The following MARCHF1 variants were observed in gnomAD, a reference collection of about 807,000 sequenced individuals.
MARCHF1 encodes E3 ubiquitin-protein ligase MARCHF1.
MARCHF1 carries 40 observed loss-of-function variants against 54.2 expected under a neutral mutation model. The observed-to-expected ratio is 0.74, with a 90% CI of 0.57 to 0.96. The LOEUF (loss-of-function observed/expected upper bound fraction) is 0.96. Among genes scored for constraint, MARCHF1 ranks in the 40% least tolerant of loss-of-function variants. The pLI is 0.00. For synonymous variants in MARCHF1, 236 were observed against 236.3 expected (o/e 1.00, Z 0.01); for missense variants, 586 against 656.5 (o/e 0.89, Z 1.17).
intron 1 of MARCHF1, among the ~76,000 whole-genome samples, chr4:164,144,484 G>C (rs1207700687): frequency 1.3e-5 from 2 of 151,990 alleles, no homozygotes; most frequent in South Asian, 2.1e-4. Flanking sequence ...TCAGACCACA[G>C]TGCAATCAAA....
chr4:163,805,079 T>A (rs187351811), intron 4 of MARCHF1, among the ~76,000 whole-genome samples: 19 of 152,120 alleles, frequency 1.2e-4, no homozygotes, highest in Non-Finnish European at 2.2e-4. Flanking sequence ...TCTGTATATA[T>A]GATATATATA....
chr4:164,198,077 T>A (rs554781414), intron 1 of MARCHF1, among the ~76,000 whole-genome samples: 1 of 152,334 alleles, frequency 6.6e-6, no homozygotes, highest in South Asian at 2.1e-4. Context: ...ACACGGGATA[T>A]CTTTGAATCT....
In MARCHF1 at chr4:163,584,240, GTTA is replaced by G. The variant is rs1740333753; in HGVS notation, c.1191+1506_1191+1508del. 3 of 151,910 alleles carry G rather than the reference GTTA, an allele frequency of 2.0e-5. 1 individual carries two copies. In the South Asian group the frequency reaches 6.2e-4, roughly 32 times the overall value. 9.4% of individuals were successfully genotyped at this position (151,910 alleles called of 1,614,324 possible). On this transcript the variant is annotated intron_variant, in intron 8 of 9. Coordinates refer to ENST00000514618, the MANE Select transcript of MARCHF1 (RefSeq NM_001394959.1). Reference sequence around the variant, plus strand: ...GGTAAAGAAGAGAAAATTAGAATATGTTATTATCCTAGATCGTGGCCCTCAAAT... The same window carrying G: ...GGTAAAGAAGAGAAAATTAGAATATGTTATCCTAGATCGTGGCCCTCAAAT...
At chr4:164,053,769 C>T (rs531137839) in intron 2 of MARCHF1, among the ~76,000 whole-genome samples, 29 of 152,228 alleles carry the variant, frequency 1.9e-4, no homozygotes, top group African/African-American at 6.5e-4. Context: ...AAACTATATC[C>T]AGAGTTGGTT....
At chr4:163,547,886 A>G (rs1738961965) in intron 8 of MARCHF1, among the ~76,000 whole-genome samples, 1 of 152,228 alleles carries the variant, frequency 6.6e-6, no homozygotes, top group African/African-American at 2.4e-5. Context: ...AGAGTTAATT[A>G]AAAATTCATT....
At chr4:163,734,727 T>G (rs1745983173) in intron 4 of MARCHF1, among the ~76,000 whole-genome samples, 1 of 152,092 alleles carries the variant, frequency 6.6e-6, no homozygotes, top group Non-Finnish European at 1.5e-5. Flanking sequence ...GGAAAGTTTC[T>G]AGGGGAAGAA....
chr4:164,257,583 A>C (rs1185850311), intron 1 of MARCHF1, among the ~76,000 whole-genome samples: 1 of 151,778 alleles, frequency 6.6e-6, no homozygotes. Context: ...AAATATATAT[A>C]TATTTGAAAA....
chr4:163,723,328 C>A, intron 4 of MARCHF1, among the ~76,000 whole-genome samples: 1 of 152,166 alleles, frequency 6.6e-6, no homozygotes, highest in East Asian at 1.9e-4. Context: ...AAATTCTTTT[C>A]TTTAAAAATG....
intron 3 of MARCHF1, among the ~76,000 whole-genome samples, chr4:163,902,279 T>C (rs775166893): frequency 1.3e-5 from 2 of 152,206 alleles, no homozygotes; most frequent in African/African-American, 2.4e-5. Flanking sequence ...CAGAGAATGC[T>C]AATTTAAAAA....
intron 2 of MARCHF1, among the ~76,000 whole-genome samples, chr4:164,015,027 G>T (rs1305086652): frequency 6.6e-6 from 1 of 152,044 alleles, no homozygotes; most frequent in Non-Finnish European, 1.5e-5. Flanking sequence ...CAGACCAAAT[G>T]GACCTAATAG....
chr4:163,834,505 G>T (rs1310013402), intron 4 of MARCHF1, among the ~76,000 whole-genome samples: 1 of 151,742 alleles, frequency 6.6e-6, no homozygotes, highest in African/African-American at 2.4e-5. Context: ...ACAATGTGCA[G>T]GTTAGTTACA....
At chr4:163,928,711 A>G (rs1751591065) in intron 3 of MARCHF1, among the ~76,000 whole-genome samples, 1 of 152,040 alleles carries the variant, frequency 6.6e-6, no homozygotes, top group Admixed American at 6.6e-5. Flanking sequence ...TAAAGACTAA[A>G]TATAAAAAAG....
intron 1 of MARCHF1, among the ~76,000 whole-genome samples, chr4:164,297,380 G>A (rs12332012): frequency 0.017 from 2,599 of 152,158 alleles, 73 homozygotes; most frequent in African/African-American, 0.059. Flanking sequence ...CATGTTGAGA[G>A]CATGGACCCC....
At position 163,840,715 on chromosome 4, in the gene MARCHF1, T is replaced by C. The variant is rs542311616; in HGVS notation, c.111+13306A>G. ...TCTAATGTAAGCATGGTGACTCTAG[T>C]TAATAATGTTGCAATGTATACTTGA... On this transcript the variant is annotated intron_variant, in intron 4 of 9. Transcript: ENST00000514618. 5.3e-5 allele frequency among the ~76,000 whole-genome samples: 8 copies of C among 152,168 alleles called. No individual in the cohort carries two copies. In the East Asian group the frequency reaches 1.2e-3, roughly 22 times the overall value.
chr4:164,159,132 C>T (rs906631923), intron 1 of MARCHF1, among the ~76,000 whole-genome samples: 5 of 152,142 alleles, frequency 3.3e-5, no homozygotes, highest in African/African-American at 1.2e-4. Context: ...AGTTTGTTTG[C>T]TCTTATACAA....
At chr4:163,810,577 A>G (rs1378952416) in intron 4 of MARCHF1, among the ~76,000 whole-genome samples, 3 of 152,176 alleles carry the variant, frequency 2.0e-5, no homozygotes, top group African/African-American at 4.8e-5. Context: ...TCATATGACA[A>G]TAATTTCCAT....
intron 5 of MARCHF1, among the ~76,000 whole-genome samples, chr4:163,691,877 T>C (rs1264019985): frequency 2.0e-5 from 3 of 152,182 alleles, no homozygotes; most frequent in Admixed American, 2.0e-4. Context: ...CTCCCTTCTC[T>C]GGAGAATCAC....
chr4:163,866,981 A>G (rs1750065972), intron 3 of MARCHF1, among the ~76,000 whole-genome samples: 1 of 151,872 alleles, frequency 6.6e-6, no homozygotes, highest in Non-Finnish European at 1.5e-5. Context: ...TTTGGTGCCT[A>G]TATTTTTATT....
At chr4:163,859,365 CTTTTTTTT>C (rs34227596) in intron 3 of MARCHF1, among the ~76,000 whole-genome samples, 1 of 130,186 alleles carries the variant, frequency 7.7e-6, no homozygotes, top group Admixed American at 7.7e-5. Context: ...GAGAGAAAAG[CTTTTTTTT>C]TTTTTTTTTG....
Sources: allele counts gnomAD v4.1 joint callset (sites outside exome capture counted in the v4.1 genomes callset), GRCh38; gene constraint gnomAD v4.1.1; transcripts MANE v1.5; gene names NCBI Gene and HGNC (gene_info 2026-07-23, HGNC 2026-07-21).